Variants in RALGAPB observed in about 807,000 individuals in gnomAD.
RALGAPB encodes Ral GTPase activating protein non-catalytic subunit beta, also known as ral GTPase-activating protein subunit beta.
In RALGAPB, 25 loss-of-function variants were observed where a neutral mutation model predicts 161.1. The observed-to-expected ratio is 0.16, with a 90% CI of 0.11 to 0.22. The LOEUF (loss-of-function observed/expected upper bound fraction) is 0.22, where lower values mean the gene tolerates loss of function less well. RALGAPB is among the 10% of genes least tolerant of loss of function. The pLI, the probability that RALGAPB is intolerant of heterozygous loss-of-function variation, is 1.00. For missense variants in RALGAPB, 1,391 were observed against 1,815.2 expected (o/e 0.77, Z 4.25); for synonymous variants, 629 against 626.1 (o/e 1.00, Z -0.07).
At chr20:38,482,137 TTAAAG>T (rs1463147264) in intron 1 of RALGAPB, among the ~76,000 whole-genome samples, 1 of 152,146 alleles carries the variant, frequency 6.6e-6, no homozygotes, top group Non-Finnish European at 1.5e-5. Context: ...TGCTATATTC[TTAAAG>T]TAAGAGAAAA....
At chr20:38,489,955 T>A (rs2085227724) in intron 2 of RALGAPB, among the ~76,000 whole-genome samples, 1 of 152,138 alleles carries the variant, frequency 6.6e-6, no homozygotes, top group South Asian at 2.1e-4. Flanking sequence ...GCCCTTTTTT[T>A]TCTCCTTTCT....
intron 13 of RALGAPB, 123 bp downstream of exon 13, chr20:38,526,165 A>G: frequency 2.7e-6 from 3 of 1,125,118 alleles, no homozygotes; most frequent in Non-Finnish European, 3.8e-6. Context: ...TCTGAATCAG[A>G]GGCACAAGTT....
intron 16 of RALGAPB, among the ~76,000 whole-genome samples, chr20:38,535,987 T>A (rs1291445306): frequency 6.6e-6 from 1 of 152,246 alleles, no homozygotes; most frequent in Non-Finnish European, 1.5e-5. Context: ...TCTTTTGAGA[T>A]GAAATTTGTG....
chr20:38,541,528 A>G (rs780968691), intron 18 of RALGAPB, among the ~76,000 whole-genome samples: 1 of 152,156 alleles, frequency 6.6e-6, no homozygotes, highest in Non-Finnish European at 1.5e-5. Context: ...CTGTGGTTAC[A>G]CTGTTAGATC....
chr20:38,544,157 AC>A (rs2087073589), intron 18 of RALGAPB, among the ~76,000 whole-genome samples: 1 of 152,098 alleles, frequency 6.6e-6, no homozygotes, highest in Non-Finnish European at 1.5e-5. Context: ...AGATTTTCTA[AC>A]CCCCAAGGTT....
At chr20:38,474,829 A>C (rs976976234) in intron 1 of RALGAPB, among the ~76,000 whole-genome samples, 2 of 152,172 alleles carry the variant, frequency 1.3e-5, no homozygotes, top group Non-Finnish European at 2.9e-5. Context: ...CAGACTCACA[A>C]AGCTTTTACT....
chr20:38,569,306 T>C (rs16987410), intron 26 of RALGAPB: 11,147 of 153,176 alleles, frequency 0.073, 1,421 homozygotes, highest in African/African-American at 0.25. Flanking sequence ...GGGAGCCACA[T>C]AGTCCTGTTA....
At chr20:38,498,196 A>G (rs1477866287) in intron 4 of RALGAPB, among the ~76,000 whole-genome samples, 1 of 152,248 alleles carries the variant, frequency 6.6e-6, no homozygotes, top group African/African-American at 2.4e-5. Flanking sequence ...TACTCAGCAA[A>G]TGAAACCTCC....
chr20:38,520,342 A>C (rs1254131043), intron 9 of RALGAPB: 2 of 652,970 alleles, frequency 3.1e-6, no homozygotes, highest in Non-Finnish European at 3.8e-6. Context: ...AATTCCATTA[A>C]AAATTTGATT....
chr20:38,574,370 T>TAAA, intron 29 of RALGAPB, 72 bp downstream of exon 29: 1 of 1,460,826 alleles, frequency 6.8e-7, no homozygotes, highest in Non-Finnish European at 9.2e-7. Context: ...CAAAAAGAAG[T>TAAA]AAAAATAAGG....
rs773433809 is a variant in RALGAPB at position 38,578,283 on chromosome 20, G to A, written c.*3316G>A. ...GAGATTGGAGGTGGTCTATCCGTAC[G>A]ATGTGGAATCAAACGGTGGGTTTCT... On this transcript the variant is annotated 3_prime_UTR_variant, in exon 30 of 30. Coordinates refer to ENST00000262879, the MANE Select transcript of RALGAPB (RefSeq NM_020336.4). 6.6e-6 allele frequency: 1 copy of A among 152,170 alleles called. No individual in the cohort carries two copies. Among genetic ancestry groups the A allele is most frequent in the East Asian group, 1.9e-4 (1 of 5,196 alleles). 9.4% of individuals were successfully genotyped at this position (152,170 alleles called of 1,614,324 possible). A position where few individuals can be genotyped will look rare whatever the true frequency, so the allele number is the denominator to read the frequency against.
At chr20:38,559,057 A>G (rs934327349) in intron 23 of RALGAPB, among the ~76,000 whole-genome samples, 2 of 152,222 alleles carry the variant, frequency 1.3e-5, no homozygotes, top group African/African-American at 4.8e-5. Flanking sequence ...GAAAACTATG[A>G]TGCTTAGAGT....
rs76725002 is a variant in RALGAPB at position 38,545,761 on chromosome 20, A to G, written c.2715-482A>G. 7.5e-3 allele frequency among the ~76,000 whole-genome samples: 1,132 copies of G among 151,784 alleles called. 14 individuals carry two copies. Among genetic ancestry groups the G allele is most frequent in the African/African-American group, 0.027 (1,090 of 41,052 alleles). The stretch of plus-strand genomic sequence containing the variant: ...AAATAGGAGAAACACCAGGAGATCA[A>G]TAATGAGAAAATATGGCTTTTAAAC... On this transcript the variant is annotated intron_variant, in intron 18 of 29. Transcript: ENST00000262879.
At chr20:38,499,036 G>A (rs1005251688) in intron 4 of RALGAPB, among the ~76,000 whole-genome samples, 1 of 152,136 alleles carries the variant, frequency 6.6e-6, no homozygotes, top group Non-Finnish European at 1.5e-5. Flanking sequence ...TTGGTATTAG[G>A]TATTACAGAT....
At position 38,554,135 on chromosome 20, in the gene RALGAPB, T is replaced by C. The variant is rs1019833929; in HGVS notation, c.3372+59T>C. 4 of 1,414,310 alleles carry C rather than the reference T, an allele frequency of 2.8e-6. No individual in the cohort carries two copies. The African/African-American group carries it at 4.3e-5, about 15-fold the overall frequency. 87.6% of individuals were successfully genotyped at this position (1,414,310 alleles called of 1,614,324 possible). ...TCACAAGTTAACATTCAGCTGACAATAGCTAAAATATTTTTATCAGGATAG... is the reference window on the plus strand; with the variant it reads ...TCACAAGTTAACATTCAGCTGACAACAGCTAAAATATTTTTATCAGGATAG... On this transcript the variant is annotated intron_variant, in intron 22 of 29. Coordinates refer to ENST00000262879, the MANE Select transcript of RALGAPB (RefSeq NM_020336.4).
rs566432790 is a variant in RALGAPB at position 38,571,092 on chromosome 20, A to G, written c.4142+245A>G. Among the ~76,000 whole-genome samples the G allele has an allele frequency of 5.3e-5, 8 of 152,302 alleles. No individual in the cohort carries two copies. In the South Asian group the frequency reaches 1.2e-3, roughly 24 times the overall value. Reference sequence around the variant, plus strand: ...GTTAAAAGCTATACGTATTTAATGTATACAACTTGATGAGCTTGGAGATAA... The same window carrying G: ...GTTAAAAGCTATACGTATTTAATGTGTACAACTTGATGAGCTTGGAGATAA... On this transcript the variant is annotated intron_variant, in intron 28 of 29. Coordinates refer to ENST00000262879, the MANE Select transcript of RALGAPB (RefSeq NM_020336.4).
chr20:38,525,849 A>G (rs2086446878), intron 12 of RALGAPB, 46 bp from the exon 13 acceptor site: 1 of 1,591,690 alleles, frequency 6.3e-7, no homozygotes, highest in Non-Finnish European at 8.6e-7. Context: ...CATGGGCATC[A>G]TAAGCTGCAA....
At chr20:38,520,351 T>G (rs1341372067) in intron 9 of RALGAPB, 1 of 566,588 alleles carries the variant, frequency 1.8e-6, no homozygotes, top group Non-Finnish European at 2.2e-6. Flanking sequence ...AAAAATTTGA[T>G]TGTCATTGTC....
chr20:38,502,040 G>T (rs1253508523), intron 5 of RALGAPB, among the ~76,000 whole-genome samples: 1 of 152,110 alleles, frequency 6.6e-6, no homozygotes, highest in Non-Finnish European at 1.5e-5. Flanking sequence ...GATACCATTT[G>T]CAGTAATGTA....
Sources: gnomAD v4.1 joint callset for allele counts (sites outside exome capture counted in the v4.1 genomes callset) on GRCh38, gnomAD v4.1.1 for gene constraint, MANE v1.5 for transcripts, NCBI Gene and HGNC (gene_info 2026-07-23, HGNC 2026-07-21) for gene names.